FHIT: variants seen among roughly 807,000 people sequenced by gnomAD.
The protein encoded by FHIT is bis(5'-adenosyl)-triphosphatase.
Under a neutral mutation model 17.9 loss-of-function variants are expected in FHIT, and 19 were observed. That is an observed-to-expected ratio of 1.06 (90% CI 0.74 to 1.56). FHIT has a LOEUF of 1.56. Among genes scored for constraint, FHIT ranks in the 40% most tolerant of loss-of-function variants. FHIT has a pLI of 0.00. For missense variants in FHIT, 248 were observed against 189.2 expected (o/e 1.31, Z -1.82); for synonymous variants, 81 against 69.7 (o/e 1.16, Z -0.81).
intron 3 of FHIT, among the ~76,000 whole-genome samples, chr3:60,889,317 GT>G (rs1705381919): frequency 6.6e-6 from 1 of 152,148 alleles, no homozygotes; most frequent in African/African-American, 2.4e-5. Flanking sequence ...CCCCTCCCTT[GT>G]CCAAGTGTGC....
At chr3:60,924,648 C>T (rs376038397) in intron 3 of FHIT, among the ~76,000 whole-genome samples, 5 of 152,128 alleles carry the variant, frequency 3.3e-5, no homozygotes, top group Admixed American at 6.5e-5. Context: ...AAAATCAGAG[C>T]GCCTCTCCTC....
intron 3 of FHIT, among the ~76,000 whole-genome samples, chr3:61,005,653 T>C (rs1166857761): frequency 2.6e-5 from 4 of 152,304 alleles, no homozygotes; most frequent in Middle Eastern, 6.8e-3. Flanking sequence ...AGAAGCTTTT[T>C]CAGAGCAGGC....
intron 4 of FHIT, among the ~76,000 whole-genome samples, chr3:60,589,529 C>A (rs2038014394): frequency 6.6e-6 from 1 of 152,018 alleles, no homozygotes; most frequent in South Asian, 2.1e-4. Context: ...AACATTTAGA[C>A]TTTTTCTAAT....
chr3:60,350,081 G>A lies in FHIT; in HGVS notation c.103+186779C>T, dbSNP rs567120661. ...CTGTAAGTAATGACTAGGTTCTGCA[G>A]AAATAAAATTAACAGATTATTACAG... is the stretch of plus-strand genomic sequence containing the variant. On this transcript the variant is annotated intron_variant, in intron 5 of 9. Transcript: ENST00000492590. 5.9e-5 allele frequency among the ~76,000 whole-genome samples: 9 copies of A among 152,268 alleles called. 1 individual carries two copies. The South Asian group carries it at 1.9e-3, about 32-fold the overall frequency.
intron 2 of FHIT, among the ~76,000 whole-genome samples, chr3:61,149,933 G>C (rs1014939334): frequency 6.6e-5 from 10 of 151,998 alleles, no homozygotes; most frequent in African/African-American, 1.5e-4. Context: ...TAAAAACTAG[G>C]GCTATCCTGA....
chr3:61,014,551 G>A lies in FHIT; in HGVS notation c.-111+27496C>T, dbSNP rs146641241. Reference sequence around the variant, plus strand: ...TCCCAGCACTTTGGGAGGCCGAGACGGGCAGATCATGAGGTCAGGAGATTG... The same window carrying A: ...TCCCAGCACTTTGGGAGGCCGAGACAGGCAGATCATGAGGTCAGGAGATTG... On this transcript the variant is annotated intron_variant, in intron 3 of 9. Transcript: ENST00000492590. Among the ~76,000 whole-genome samples, 5 of 151,540 alleles carry A rather than the reference G, an allele frequency of 3.3e-5. No homozygotes were observed. The East Asian group carries it at 7.8e-4, about 24-fold the overall frequency.
At chr3:61,109,636 A>G (rs1027353352) in intron 2 of FHIT, among the ~76,000 whole-genome samples, 23 of 152,224 alleles carry the variant, frequency 1.5e-4, no homozygotes, top group African/African-American at 5.3e-4. Context: ...TGCCATCCCC[A>G]CTGAAGTTGA....
intron 5 of FHIT, among the ~76,000 whole-genome samples, chr3:60,062,407 T>G (rs1310959436): frequency 2.0e-5 from 3 of 152,196 alleles, no homozygotes; most frequent in Non-Finnish European, 4.4e-5. Context: ...ACCTCCTACA[T>G]TCCAAGTACT....
chr3:60,517,676 A>G (rs1179424581), intron 5 of FHIT, among the ~76,000 whole-genome samples: 2 of 152,220 alleles, frequency 1.3e-5, no homozygotes, highest in South Asian at 2.1e-4. Flanking sequence ...AAACAGCACC[A>G]TAACGTCATA....
intron 5 of FHIT, among the ~76,000 whole-genome samples, chr3:60,522,617 C>G (rs945430058): frequency 4.6e-5 from 7 of 152,132 alleles, no homozygotes; most frequent in Non-Finnish European, 1.0e-4. Flanking sequence ...GAGTACCAGA[C>G]TCAGAACATA....
intron 5 of FHIT, among the ~76,000 whole-genome samples, chr3:60,324,899 G>A (rs923385391): frequency 1.3e-5 from 2 of 151,716 alleles, no homozygotes; most frequent in Non-Finnish European, 2.9e-5. Context: ...TCTTTTTAAG[G>A]GTAAAAAGGC....
chr3:60,772,949 T>G (rs1321632884), intron 4 of FHIT, among the ~76,000 whole-genome samples: 2 of 152,132 alleles, frequency 1.3e-5, no homozygotes, highest in Non-Finnish European at 2.9e-5. Context: ...AAACACCCAT[T>G]GCATAGCCAT....
intron 4 of FHIT, among the ~76,000 whole-genome samples, chr3:60,769,902 A>G (rs943001087): frequency 6.6e-6 from 1 of 152,230 alleles, no homozygotes; most frequent in Non-Finnish European, 1.5e-5. Flanking sequence ...AGCAGATGCA[A>G]GAGTGTTTCT....
chr3:61,225,678 A>C (rs1260598809), intron 1 of FHIT, among the ~76,000 whole-genome samples: 2 of 152,238 alleles, frequency 1.3e-5, no homozygotes, highest in Non-Finnish European at 2.9e-5. Context: ...AAATTAGATA[A>C]AGCAACGTGG....
At chr3:60,429,007 G>C (rs1576638481) in intron 5 of FHIT, among the ~76,000 whole-genome samples, 1 of 152,064 alleles carries the variant, frequency 6.6e-6, no homozygotes, top group Non-Finnish European at 1.5e-5. Flanking sequence ...ACCTAGTGCA[G>C]CTGAAAATCT....
intron 3 of FHIT, among the ~76,000 whole-genome samples, chr3:60,976,096 C>CTTTTTCTTTTTTT (rs1424446334): frequency 1.5e-5 from 1 of 66,754 alleles, no homozygotes; most frequent in African/African-American, 6.6e-5. Context: ...TTTTCTTTTT[C>CTTTTTCTTTTTTT]TTTTTTTTTT....
At chr3:61,204,831 A>G (rs2039159553) in intron 1 of FHIT, among the ~76,000 whole-genome samples, 1 of 152,092 alleles carries the variant, frequency 6.6e-6, no homozygotes, top group South Asian at 2.1e-4. Context: ...TTAAAATTTT[A>G]TTATTATTAT....
At chr3:60,380,291 C>G (rs1318627467) in intron 5 of FHIT, among the ~76,000 whole-genome samples, 4 of 152,164 alleles carry the variant, frequency 2.6e-5, no homozygotes, top group Non-Finnish European at 5.9e-5. Flanking sequence ...CCTTGTCACT[C>G]TCACTGCCTC....
At chr3:60,013,860 G>A in intron 6 of FHIT, 147 bp downstream of exon 6, 6 of 760,950 alleles carry the variant, frequency 7.9e-6, no homozygotes, top group Non-Finnish European at 1.1e-5. Context: ...CAGTAGGGTT[G>A]CCCTGCATTA....
Sources: allele counts gnomAD v4.1 joint callset (sites outside exome capture counted in the v4.1 genomes callset), GRCh38; gene constraint gnomAD v4.1.1; transcripts MANE v1.5; gene names NCBI Gene and HGNC (gene_info 2026-07-23, HGNC 2026-07-21).